The following DLG2 variants were observed in gnomAD, a reference collection of about 807,000 sequenced individuals.
DLG2 encodes the protein discs large MAGUK scaffold protein 2.
Under a neutral mutation model 132.5 loss-of-function variants are expected in DLG2, and 45 were observed. That is an observed-to-expected ratio of 0.34 (90% CI 0.27 to 0.44). DLG2 has a LOEUF of 0.44. Among genes scored for constraint, DLG2 ranks in the 20% least tolerant of loss-of-function variants. DLG2 has a pLI of 1.00. For synonymous variants in DLG2, 424 were observed against 419.6 expected, an observed-to-expected ratio of 1.01 and a Z score of -0.13; for missense variants, 1,045 against 1,196.9, an observed-to-expected ratio of 0.87 and a Z score of 1.87.
chr11:85,063,928 A>G (rs2064480733), intron 6 of DLG2, among the ~76,000 whole-genome samples: 2 of 151,862 alleles, frequency 1.3e-5, no homozygotes, highest in South Asian at 4.1e-4. Flanking sequence ...ATATTAGACT[A>G]AATACTTGTT....
intron 19 of DLG2, among the ~76,000 whole-genome samples, chr11:83,615,085 G>C (rs545607287): frequency 3.0e-4 from 45 of 152,136 alleles, no homozygotes; most frequent in African/African-American, 1.1e-3. Flanking sequence ...TGGGGTTCTT[G>C]CTTATATCTT....
intron 3 of DLG2, among the ~76,000 whole-genome samples, chr11:85,376,860 G>A (rs1303385498): frequency 6.6e-6 from 1 of 152,130 alleles, no homozygotes; most frequent in African/African-American, 2.4e-5. Flanking sequence ...GGATAGAAAA[G>A]GAGAGGACAA....
intron 4 of DLG2, among the ~76,000 whole-genome samples, chr11:85,271,436 G>T (rs763049922): frequency 1.3e-4 from 20 of 152,220 alleles, no homozygotes; most frequent in Admixed American, 1.3e-4. Context: ...CCCACACAGA[G>T]TCCCCACTGG....
At chr11:84,673,375 T>A (rs904720515) in intron 6 of DLG2, among the ~76,000 whole-genome samples, 1 of 151,686 alleles carries the variant, frequency 6.6e-6, no homozygotes, top group Non-Finnish European at 1.5e-5. Flanking sequence ...AGAAAGATTA[T>A]AGACTTTGGA....
intron 4 of DLG2, among the ~76,000 whole-genome samples, chr11:85,268,869 T>C (rs1422400145): frequency 4.6e-5 from 7 of 152,226 alleles, no homozygotes; most frequent in African/African-American, 1.7e-4. Flanking sequence ...TTTAAAATGA[T>C]AGAAAAGAAA....
intron 8 of DLG2, among the ~76,000 whole-genome samples, chr11:84,201,808 C>CTTTTTTTTTTTTT (rs58905339): frequency 1.5e-5 from 1 of 64,584 alleles, no homozygotes; most frequent in Admixed American, 2.5e-4. Flanking sequence ...AAACTATTTT[C>CTTTTTTTTTTTTT]TTTTTTTTTT....
chr11:85,370,241 T>C (rs1289608615), intron 3 of DLG2, among the ~76,000 whole-genome samples: 1 of 152,222 alleles, frequency 6.6e-6, no homozygotes, highest in Non-Finnish European at 1.5e-5. Flanking sequence ...CTGAAACTAC[T>C]AGAAATAGAT....
chr11:83,774,480 G>A (rs2094511580), intron 18 of DLG2, among the ~76,000 whole-genome samples: 2 of 152,176 alleles, frequency 1.3e-5, no homozygotes, highest in South Asian at 4.1e-4. Context: ...ACTCCAAGAA[G>A]TGAAGTAATT....
At chr11:85,357,089 A>T (rs572852602) in intron 3 of DLG2, among the ~76,000 whole-genome samples, 1 of 152,238 alleles carries the variant, frequency 6.6e-6, no homozygotes, top group South Asian at 2.1e-4. Flanking sequence ...AATAAATTGT[A>T]ACTATTAGTA....
intron 15 of DLG2, among the ~76,000 whole-genome samples, chr11:83,906,599 A>G (rs2154105972): frequency 6.6e-6 from 1 of 152,258 alleles, no homozygotes; most frequent in South Asian, 2.1e-4. Context: ...TCCATGTATC[A>G]AGTGCTTACT....
At chr11:85,411,000 C>A (rs1052111467) in intron 3 of DLG2, among the ~76,000 whole-genome samples, 1 of 151,678 alleles carries the variant, frequency 6.6e-6, no homozygotes, top group Non-Finnish European at 1.5e-5. Flanking sequence ...AGTTAGTGAA[C>A]CTGCTAGGAA....
At position 84,947,133 on chromosome 11, in the gene DLG2, T is replaced by C. The variant is rs140868096; in HGVS notation, c.357+164528A>G. Among the ~76,000 whole-genome samples, 173 of 152,320 alleles carry C rather than the reference T, an allele frequency of 1.1e-3. 1 individual carries two copies. Among genetic ancestry groups the C allele is most frequent in the African/African-American group, 4.1e-3 (169 of 41,578 alleles). ...GATGATGTTGGCAATTCAAGATGTCTTTGCTTCCTTCTTTAGTGTCTCCTT... is the reference window on the plus strand; with the variant it reads ...GATGATGTTGGCAATTCAAGATGTCCTTGCTTCCTTCTTTAGTGTCTCCTT... On this transcript the variant is annotated intron_variant, in intron 6 of 27. Coordinates refer to ENST00000376104, the MANE Select transcript of DLG2 (RefSeq NM_001142699.3).
rs141613195 is a variant in DLG2 at position 83,601,002 on chromosome 11, C to T, written c.1940+32209G>A. Among the ~76,000 whole-genome samples the T allele has an allele frequency of 3.2e-3, 493 of 152,318 alleles. 1 individual carries two copies. Among genetic ancestry groups the T allele is most frequent in the Non-Finnish European group, 4.8e-3 (328 of 68,024 alleles). On this transcript the variant is annotated intron_variant, in intron 19 of 27. Coordinates refer to ENST00000376104, the MANE Select transcript of DLG2 (RefSeq NM_001142699.3). ...TATCCTTGGTAGAAGTTTCAGTTGT[C>T]ATTTAGCATAAGCCAGGCTGTGCTA...
At chr11:85,043,210 A>C (rs1324524741) in intron 6 of DLG2, among the ~76,000 whole-genome samples, 1 of 151,816 alleles carries the variant, frequency 6.6e-6, no homozygotes, top group African/African-American at 2.4e-5. Flanking sequence ...TTTATTCCCC[A>C]GCCCTTTGTA....
chr11:85,375,584 T>C (rs2085341858), intron 3 of DLG2, among the ~76,000 whole-genome samples: 1 of 152,216 alleles, frequency 6.6e-6, no homozygotes, highest in Non-Finnish European at 1.5e-5. Flanking sequence ...AAAGTTGTTA[T>C]ATAATCAATC....
chr11:84,398,512 AT>A (rs779492249), intron 7 of DLG2, among the ~76,000 whole-genome samples: 3 of 152,164 alleles, frequency 2.0e-5, no homozygotes, highest in Non-Finnish European at 4.4e-5. Flanking sequence ...AAGAATGAGT[AT>A]TTTTTAAGAC....
chr11:83,515,810 C>G (rs1260278336), intron 21 of DLG2, among the ~76,000 whole-genome samples: 4 of 152,208 alleles, frequency 2.6e-5, no homozygotes, highest in African/African-American at 7.2e-5. Flanking sequence ...GCAGGTTGTT[C>G]AGTTTCCATG....
At chr11:84,844,432 C>T (rs186928755) in intron 6 of DLG2, among the ~76,000 whole-genome samples, 134 of 151,846 alleles carry the variant, frequency 8.8e-4, no homozygotes, top group Non-Finnish European at 1.6e-3. Flanking sequence ...CCCCACATTC[C>T]ACAATTTCTC....
chr11:83,842,521 CTCAA>C (rs1461113860), intron 16 of DLG2, among the ~76,000 whole-genome samples: 1,071 of 58,326 alleles, frequency 0.018, 14 homozygotes, highest in African/African-American at 0.068. Flanking sequence ...TTGAACCTGT[CTCAA>C]AAAAAAAAAA....
Sources: allele counts gnomAD v4.1 joint callset (sites outside exome capture counted in the v4.1 genomes callset), GRCh38; gene constraint gnomAD v4.1.1; transcripts MANE v1.5; gene names NCBI Gene and HGNC (gene_info 2026-07-23, HGNC 2026-07-21).